The following RNF216 variants were observed in gnomAD, a reference collection of about 807,000 sequenced individuals.
The protein encoded by RNF216 is ring finger protein 216.
In RNF216, 72 loss-of-function variants were observed where a neutral mutation model predicts 110.8. The observed-to-expected ratio is 0.65, with a 90% CI of 0.54 to 0.79. The LOEUF (loss-of-function observed/expected upper bound fraction) is 0.79, where lower values mean the gene tolerates loss of function less well. RNF216 is among the 30% of genes least tolerant of loss of function. The pLI is 0.00. For missense variants in RNF216, 1,342 were observed against 1,141.2 expected (o/e 1.18, Z -2.54); for synonymous variants, 495 against 407.5 (o/e 1.21, Z -2.59).
At chr7:5,700,946 C>T (rs1160587970) in intron 13 of RNF216, among the ~76,000 whole-genome samples, 2 of 152,148 alleles carry the variant, frequency 1.3e-5, no homozygotes, top group East Asian at 3.9e-4. Flanking sequence ...AGCGTATCGC[C>T]GTCTTTGTTT....
chr7:5,687,333 T>C (rs1486020046), intron 13 of RNF216, among the ~76,000 whole-genome samples: 1 of 143,896 alleles, frequency 6.9e-6, no homozygotes, highest in Non-Finnish European at 1.5e-5. Flanking sequence ...GAGGCGGAGG[T>C]TGCAGTGAGC....
rs1177084974 is a variant in RNF216 at position 5,721,129 on chromosome 7, C to T, written c.1548G>A (p.Lys516=). 6 of 1,613,880 alleles carry T rather than the reference C, an allele frequency of 3.7e-6. No homozygotes were observed. The highest frequency in any genetic ancestry group is 1.6e-4 in the Middle Eastern group (1 of 6,084). The part of the protein sequence containing the change: ...IEKRMFFLEN[K]RRHCRSYDRR... The stretch of plus-strand genomic sequence containing the variant: ...GGTCATAGGACCTACAATGTCGTCG[C>T]TTATTTTCAAGAAAGAACATCCTCT... Residue 516 remains lysine, a synonymous_variant, in exon 9 of 17, where the codon AAG becomes AAA. Coordinates refer to ENST00000389902, the MANE Select transcript of RNF216 (RefSeq NM_207111.4).
intron 13 of RNF216, among the ~76,000 whole-genome samples, chr7:5,683,140 A>G (rs1790765386): frequency 6.6e-6 from 1 of 152,118 alleles, no homozygotes; most frequent in Non-Finnish European, 1.5e-5. Flanking sequence ...ACAAACAAAC[A>G]AACAAAAAAC....
At chr7:5,760,316 A>C (rs1795864959) in intron 2 of RNF216, 1 of 211,758 alleles carries the variant, frequency 4.7e-6, no homozygotes, top group East Asian at 1.3e-4. Flanking sequence ...GGAGAGATCA[A>C]GACTAGCCTG....
chr7:5,625,292 G>A (rs995074097), intron 15 of RNF216, among the ~76,000 whole-genome samples: 1 of 152,218 alleles, frequency 6.6e-6, no homozygotes, highest in Admixed American at 6.5e-5. Context: ...GAGGGATGGT[G>A]GTCCCTGATA....
chr7:5,641,512 T>G (rs1787732234), intron 14 of RNF216, 136 bp from the exon 15 acceptor site: 3 of 721,704 alleles, frequency 4.2e-6, no homozygotes, highest in Non-Finnish European at 6.7e-6. Flanking sequence ...GAAAAGAGCC[T>G]AGGTTTTGGA....
intron 13 of RNF216, among the ~76,000 whole-genome samples, chr7:5,690,515 T>C (rs1447789356): frequency 6.6e-6 from 1 of 152,090 alleles, no homozygotes; most frequent in South Asian, 2.1e-4. Context: ...CCCTGCACCA[T>C]CTACCACTTA....
chr7:5,739,302 A>G lies in RNF216; in HGVS notation c.1095T>C (p.His365=). 6.3e-7 allele frequency: 1 copy of G among 1,597,070 alleles called. No homozygotes were observed. Among genetic ancestry groups the G allele is most frequent in the East Asian group, 2.2e-5 (1 of 44,754 alleles). The change falls in exon 5 of 17, where the codon CAT becomes CAC. Residue 365 remains histidine, a synonymous_variant. Coordinates refer to ENST00000389902, the MANE Select transcript of RNF216 (RefSeq NM_207111.4). ...VANGFIEEII[H]FKNYYDLNVL... is the part of the protein sequence containing the mutation. ...CATTCAGATCATAATAATTCTTAAA[A>G]TGAATTATTTCCTCAATAAACCCAT...
chr7:5,766,462 A>C (rs966421608), intron 1 of RNF216, among the ~76,000 whole-genome samples: 9 of 151,792 alleles, frequency 5.9e-5, no homozygotes, highest in African/African-American at 1.9e-4. Context: ...GAAGTCATGG[A>C]GGTTGGGCCC....
chr7:5,765,045 T>C (rs774333056), intron 1 of RNF216, among the ~76,000 whole-genome samples: 1 of 143,800 alleles, frequency 7.0e-6, no homozygotes, highest in Non-Finnish European at 1.5e-5. Flanking sequence ...CACTCCAGCC[T>C]AGGAAACAAA....
chr7:5,635,659 A>C (rs1027215377), intron 15 of RNF216, among the ~76,000 whole-genome samples: 1 of 152,170 alleles, frequency 6.6e-6, no homozygotes, highest in Admixed American at 6.5e-5. Context: ...TGAGGGGAGA[A>C]GGCAGGCCTG....
At chr7:5,638,307 G>A (rs1181659615) in intron 15 of RNF216, among the ~76,000 whole-genome samples, 3 of 151,996 alleles carry the variant, frequency 2.0e-5, no homozygotes, top group Non-Finnish European at 2.9e-5. Flanking sequence ...CCTGTTTTTT[G>A]GGATATTTAA....
At chr7:5,636,685 C>A (rs368072526) in intron 15 of RNF216, among the ~76,000 whole-genome samples, 1 of 152,156 alleles carries the variant, frequency 6.6e-6, no homozygotes, top group East Asian at 1.9e-4. Context: ...CGGGGCTGAT[C>A]GCTGTTTTGA....
chr7:5,684,398 C>T (rs985843712), intron 13 of RNF216, among the ~76,000 whole-genome samples: 5 of 152,142 alleles, frequency 3.3e-5, no homozygotes, highest in African/African-American at 2.4e-5. Context: ...CGAGCCACTG[C>T]GCCTGGCCCA....
At chr7:5,758,710 T>C (rs938363380) in intron 2 of RNF216, among the ~76,000 whole-genome samples, 4 of 152,080 alleles carry the variant, frequency 2.6e-5, no homozygotes, top group African/African-American at 9.7e-5. Flanking sequence ...GGAACAGGAG[T>C]ATATACGCAA....
intron 12 of RNF216, 105 bp downstream of exon 12, chr7:5,712,610 A>G: frequency 8.5e-7 from 1 of 1,175,930 alleles, no homozygotes; most frequent in Non-Finnish European, 1.2e-6. Flanking sequence ...GAAATGTCAA[A>G]AAACCTGGAA....
At chr7:5,694,222 A>G (rs1048994616) in intron 13 of RNF216, among the ~76,000 whole-genome samples, 1 of 152,214 alleles carries the variant, frequency 6.6e-6, no homozygotes, top group South Asian at 2.1e-4. Flanking sequence ...CAATTTCTTT[A>G]TTTGCTGGAA....
At chr7:5,672,537 G>C (rs1165629570) in intron 13 of RNF216, among the ~76,000 whole-genome samples, 1 of 152,164 alleles carries the variant, frequency 6.6e-6, no homozygotes, top group Non-Finnish European at 1.5e-5. Context: ...GATGGACTTT[G>C]AATTGATGTT....
At chr7:5,690,427 C>T (rs1791262379) in intron 13 of RNF216, among the ~76,000 whole-genome samples, 1 of 151,972 alleles carries the variant, frequency 6.6e-6, no homozygotes, top group Non-Finnish European at 1.5e-5. Context: ...TGGTGACTGA[C>T]TGCTTTGTTA....
Sources: allele counts gnomAD v4.1 joint callset (sites outside exome capture counted in the v4.1 genomes callset), GRCh38; gene constraint gnomAD v4.1.1; transcripts MANE v1.5; gene names NCBI Gene and HGNC (gene_info 2026-07-23, HGNC 2026-07-21).